Variants in CSPP1 observed in about 807,000 individuals in gnomAD.
CSPP1 encodes the protein centrosome and spindle pole associated protein 1.
A neutral mutation model predicts 164.4 loss-of-function variants in CSPP1; 126 were observed. That is an observed-to-expected ratio of 0.77 (90% confidence interval 0.66 to 0.89). The LOEUF (loss-of-function observed/expected upper bound fraction) is 0.89, where lower values mean the gene tolerates loss of function less well. Ranked by LOEUF, CSPP1 falls within the 40% of genes least tolerant of loss-of-function variation. CSPP1 has a pLI of 0.00. For synonymous variants in CSPP1, 472 were observed against 476.7 expected (o/e 0.99, Z 0.13); for missense variants, 1,395 against 1,449.8 (o/e 0.96, Z 0.61).
chr8:67,118,307 C>T lies in CSPP1; in HGVS notation c.1556C>T (p.Pro519Leu), dbSNP rs200535417. ...LPPLATNYRT[P>L]YDDAYYFYGS... ...CCTTTGGCTACTAACTATCGAACTCCTTATGATGATGCATACTATTTTTAT... is the reference window on the plus strand; with the variant it reads ...CCTTTGGCTACTAACTATCGAACTCTTTATGATGATGCATACTATTTTTAT... The change falls in exon 14 of 31, where the codon CCT becomes CTT. Residue 519 changes from proline (P) to leucine (L), a missense_variant. Pro to Leu is a moderately conservative substitution (Grantham distance 98). Coordinates refer to ENST00000678616, the MANE Select transcript of CSPP1 (RefSeq NM_001382391.1). 3.5e-4 allele frequency: 557 copies of T among 1,613,576 alleles called. 1 individual carries two copies. The East Asian group carries it at 5.3e-3, about 15-fold the overall frequency.
Position 67,159,282 on chromosome 8 carries a change from A to C in CSPP1, c.2538+145A>C, listed in dbSNP as rs16933178. 0.032 allele frequency: 23,901 copies of C among 752,106 alleles called. 591 individuals are homozygous for C. The highest frequency in any genetic ancestry group is 0.095 in the African/African-American group (5,436 of 57,066). 46.6% of individuals were successfully genotyped at this position (752,106 alleles called of 1,614,324 possible). On this transcript the variant is annotated intron_variant, in intron 21 of 30. Transcript: ENST00000678616. The stretch of plus-strand genomic sequence containing the variant: ...TTACTGTTTAGTCTGGGCACAATGT[A>C]CTGAACTTTCTGTAGGAGGTACTGT...
Position 67,120,867 on chromosome 8 carries a change from T to A in CSPP1, c.1697+2046T>A, listed in dbSNP as rs550236630. On this transcript the variant is annotated intron_variant, in intron 15 of 30. Coordinates refer to ENST00000678616, the MANE Select transcript of CSPP1 (RefSeq NM_001382391.1). Reference sequence around the variant, plus strand: ...ATTTATTTTTCTTTCTTTCTTTTTTTTTTTGAGACAGAGTCTCACCCTGTC... The same window carrying A: ...ATTTATTTTTCTTTCTTTCTTTTTTATTTTGAGACAGAGTCTCACCCTGTC... Among the ~76,000 whole-genome samples the A allele has an allele frequency of 3.3e-5, 5 of 152,110 alleles. No homozygotes were observed. In the South Asian group the frequency reaches 6.2e-4, roughly 19 times the overall value.
chr8:67,105,914 C>T lies in CSPP1; in HGVS notation c.1032C>T (p.Asp344=). The T allele has an allele frequency of 6.4e-7, 1 of 1,568,910 alleles. No individual in the cohort carries two copies. The highest frequency in any genetic ancestry group is 8.8e-7 in the Non-Finnish European group (1 of 1,139,142). Residue 344 remains aspartate (D), a synonymous_variant, in exon 9 of 31, where the codon GAC becomes GAT. Transcript: ENST00000678616. The part of the protein sequence containing the change: ...ISSAENKSAP[D]NETSKSANQD... ...GTCTTTTTTTCTTTAGTGCTCCAGACAATGAAACATCCAAATCTGCTAATC... is the reference window on the plus strand; with the variant it reads ...GTCTTTTTTTCTTTAGTGCTCCAGATAATGAAACATCCAAATCTGCTAATC...
intron 29 of CSPP1, among the ~76,000 whole-genome samples, chr8:67,192,104 G>C (rs1183706842): frequency 1.5e-5 from 2 of 136,876 alleles, no homozygotes; most frequent in African/African-American, 5.5e-5. Context: ...ACAGAGTCCT[G>C]CTCTGTCACC....
At chr8:67,100,542 A>G (rs1813833643) in intron 7 of CSPP1, among the ~76,000 whole-genome samples, 1 of 151,710 alleles carries the variant, frequency 6.6e-6, no homozygotes, top group South Asian at 2.1e-4. Context: ...ACCCCAAGTT[A>G]TGCTTTTAAG....
intron 29 of CSPP1, among the ~76,000 whole-genome samples, chr8:67,192,411 A>AGTT (rs1836608260): frequency 6.6e-6 from 1 of 152,042 alleles, no homozygotes; most frequent in Non-Finnish European, 1.5e-5. Context: ...CTTTTTATTG[A>AGTT]GTTGTAAGAG....
At chr8:67,151,047 G>A (rs1007824489) in intron 18 of CSPP1, among the ~76,000 whole-genome samples, 1 of 152,194 alleles carries the variant, frequency 6.6e-6, no homozygotes, top group African/African-American at 2.4e-5. Context: ...GATAAGTGAA[G>A]TGGGGAGCTG....
chr8:67,080,969 C>G (rs1190498429), intron 3 of CSPP1: 2 of 152,168 alleles, frequency 1.3e-5, no homozygotes, highest in African/African-American at 4.8e-5. Flanking sequence ...GATCTCCAGC[C>G]CTGCTGTATT....
At chr8:67,065,570 T>A (rs1428758040) in intron 1 of CSPP1, 1 of 942,776 alleles carries the variant, frequency 1.1e-6, no homozygotes, top group Non-Finnish European at 1.3e-6. Context: ...TTCTTCTCCC[T>A]AGGAGGTCGC....
At position 67,195,837 on chromosome 8, in the gene CSPP1, A is replaced by T; in HGVS notation, c.*244A>T. The T allele has an allele frequency of 2.2e-6, 1 of 448,850 alleles. No individual in the cohort carries two copies. The highest frequency in any genetic ancestry group is 4.0e-6 in the Non-Finnish European group (1 of 247,908). 27.8% of individuals were successfully genotyped at this position (448,850 alleles called of 1,614,324 possible). ...TTTGTCATAAATTAGGGTGGTAATG[A>T]ACTGGATTGAACTACTATATGTGCA... On this transcript the variant is annotated 3_prime_UTR_variant, in exon 31 of 31. Transcript: ENST00000678616.
chr8:67,192,806 A>G (rs932889380), intron 29 of CSPP1, among the ~76,000 whole-genome samples: 2 of 151,724 alleles, frequency 1.3e-5, no homozygotes, highest in Non-Finnish European at 3.0e-5. Context: ...CCATAAACGT[A>G]AGGATTTATT....
intron 19 of CSPP1, 138 bp from the exon 20 acceptor site, chr8:67,158,309 A>G (rs1827058233): frequency 4.4e-6 from 4 of 913,286 alleles, no homozygotes; most frequent in Non-Finnish European, 6.2e-6. Flanking sequence ...CTCCCTGAAA[A>G]TACAGGAGAC....
chr8:67,105,053 T>C (rs1472812432), intron 8 of CSPP1, among the ~76,000 whole-genome samples: 1 of 136,378 alleles, frequency 7.3e-6, no homozygotes, highest in Non-Finnish European at 1.5e-5. Context: ...CGAGACAGAG[T>C]CTTGTTCTGT....
Position 67,103,112 on chromosome 8 carries a change from A to G in CSPP1, c.999A>G (p.Arg333=). Residue 333 remains arginine, a synonymous_variant, in exon 8 of 31, where the codon AGA becomes AGG. Coordinates refer to ENST00000678616, the MANE Select transcript of CSPP1 (RefSeq NM_001382391.1). The part of the protein sequence containing the change: ...DGDVIEQSNI[R]ISSAENKSAP... ...ATGTTATAGAACAGTCAAACATAAG[A>G]ATTTCATCTGCTGAAAATAAAAGGT... is the stretch of plus-strand genomic sequence containing the variant. The G allele has an allele frequency of 6.2e-7, 1 of 1,600,012 alleles. No homozygotes were observed. Among genetic ancestry groups the G allele is most frequent in the Non-Finnish European group, 8.6e-7 (1 of 1,167,430 alleles).
intron 1 of CSPP1, chr8:67,065,675 G>A (rs148465472): frequency 0.068 from 13,621 of 200,046 alleles, 1,079 homozygotes; most frequent in African/African-American, 0.21. Flanking sequence ...ACAGGGTCTC[G>A]CTCTGTTGTA....
chr8:67,140,093 T>G (rs1349461701), intron 17 of CSPP1, among the ~76,000 whole-genome samples: 2 of 152,114 alleles, frequency 1.3e-5, no homozygotes, highest in Non-Finnish European at 2.9e-5. Context: ...TTTAATTAAT[T>G]AATTTTTTCG....
At chr8:67,104,804 A>C (rs1450441688) in intron 8 of CSPP1, among the ~76,000 whole-genome samples, 5 of 148,408 alleles carry the variant, frequency 3.4e-5, no homozygotes, top group Non-Finnish European at 7.5e-5. Flanking sequence ...CGCCTGGCTA[A>C]TTTTTTTGTA....
At chr8:67,161,418 G>A (rs956619027) in intron 21 of CSPP1, among the ~76,000 whole-genome samples, 1 of 152,054 alleles carries the variant, frequency 6.6e-6, no homozygotes, top group Non-Finnish European at 1.5e-5. Context: ...CTAGATTTTC[G>A]AGGTTGATTT....
chr8:67,179,818 T>A, intron 27 of CSPP1, 45 bp from the exon 28 acceptor site: 2 of 1,351,862 alleles, frequency 1.5e-6, no homozygotes, highest in African/African-American at 2.9e-5. Context: ...GTTGTTTTTG[T>A]ACACAAAACT....
Sources: gnomAD v4.1 joint callset for allele counts (sites outside exome capture counted in the v4.1 genomes callset) on GRCh38, gnomAD v4.1.1 for gene constraint, MANE v1.5 for transcripts, NCBI Gene and HGNC (gene_info 2026-07-23, HGNC 2026-07-21) for gene names.